The following MED4 variants were observed in gnomAD, a reference collection of about 807,000 sequenced individuals.
The protein encoded by MED4 is mediator of RNA polymerase II transcription subunit 4.
Under a neutral mutation model 35.0 loss-of-function variants are expected in MED4, and 21 were observed. The observed-to-expected ratio is 0.60, with a 90% CI of 0.43 to 0.86. The LOEUF (loss-of-function observed/expected upper bound fraction) is 0.86, where lower values mean the gene tolerates loss of function less well. Ranked by LOEUF, MED4 falls within the 40% of genes least tolerant of loss-of-function variation. The pLI, the probability that MED4 is intolerant of heterozygous loss-of-function variation, is 0.00. For synonymous variants in MED4, 138 were observed against 114.0 expected (o/e 1.21, Z -1.34); for missense variants, 300 against 319.4 (o/e 0.94, Z 0.46).
intron 2 of MED4, among the ~76,000 whole-genome samples, chr13:48,087,560 C>T (rs1046178054): frequency 5.3e-5 from 8 of 149,786 alleles, no homozygotes; most frequent in Non-Finnish European, 1.0e-4. Context: ...CTTAAAAATA[C>T]GGTGATTTCG....
intron 3 of MED4, among the ~76,000 whole-genome samples, chr13:48,084,781 A>G (rs998391949): frequency 3.3e-5 from 5 of 151,866 alleles, no homozygotes; most frequent in African/African-American, 9.7e-5. Context: ...TATTTTCTGA[A>G]TTTTGTTTGA....
At chr13:48,094,876 C>T (rs1950917104) in intron 1 of MED4, 78 bp downstream of exon 1, 6 of 1,568,078 alleles carry the variant, frequency 3.8e-6, no homozygotes, top group Non-Finnish European at 4.3e-6. Context: ...CGAGAACGAG[C>T]ACAAACGCAG....
chr13:48,094,843 A>C, intron 1 of MED4, 111 bp downstream of exon 1: 2 of 1,474,944 alleles, frequency 1.4e-6, no homozygotes, highest in South Asian at 1.2e-5. Context: ...GAAACTCCCG[A>C]GCTGGCCCTC....
chr13:48,082,336 AC>A (rs1950814938), intron 4 of MED4, among the ~76,000 whole-genome samples: 1 of 152,206 alleles, frequency 6.6e-6, no homozygotes, highest in African/African-American at 2.4e-5. Context: ...ATTAATAGTT[AC>A]CTCTGAGAAG....
intron 1 of MED4, among the ~76,000 whole-genome samples, 187 bp downstream of exon 1, chr13:48,094,767 C>T (rs962235801): frequency 6.6e-6 from 1 of 152,130 alleles, no homozygotes; most frequent in African/African-American, 2.4e-5. Flanking sequence ...TTCCCTCTAA[C>T]GGGAAAAACC....
chr13:48,094,840 C>T, intron 1 of MED4, 114 bp downstream of exon 1: 1 of 1,466,832 alleles, frequency 6.8e-7, no homozygotes, highest in Non-Finnish European at 9.1e-7. Flanking sequence ...CCCGAAACTC[C>T]CGAGCTGGCC....
intron 1 of MED4, among the ~76,000 whole-genome samples, chr13:48,092,877 T>C (rs1950899965): frequency 6.6e-6 from 1 of 152,156 alleles, no homozygotes; most frequent in Admixed American, 6.5e-5. Flanking sequence ...CTTGCAAATC[T>C]GGGAGCGTGA....
rs1035315568 is a variant in MED4 at position 48,091,875 on chromosome 13, C to T, written c.126-1457G>A. Reference sequence around the variant, plus strand: ...AGAGAAGGTCTTCCTAAGGGCACAGCTTTGACATAAGACACGGATTAAATG... The same window carrying T: ...AGAGAAGGTCTTCCTAAGGGCACAGTTTTGACATAAGACACGGATTAAATG... On this transcript the variant is annotated intron_variant, in intron 1 of 6. Coordinates refer to ENST00000258648, the MANE Select transcript of MED4 (RefSeq NM_014166.4). 5.3e-5 allele frequency among the ~76,000 whole-genome samples: 8 copies of T among 152,224 alleles called. No homozygotes were observed. In the East Asian group the frequency reaches 1.5e-3, roughly 29 times the overall value.
In MED4 at chr13:48,086,345, T is replaced by C; in HGVS notation, c.300A>G (p.Val100=). ...HHEMQVLEKE[V]EKRDSDIQQL... Reference sequence around the variant, plus strand: ...GCTGAATATCACTGTCTCTCTTCTCTACTTCTTTTTCTAAAACTTGCATTT... The same window carrying C: ...GCTGAATATCACTGTCTCTCTTCTCCACTTCTTTTTCTAAAACTTGCATTT... Residue 100 remains valine, a synonymous_variant, in exon 3 of 7, where the codon GTA becomes GTG. Coordinates refer to ENST00000258648, the MANE Select transcript of MED4 (RefSeq NM_014166.4). 1.2e-6 allele frequency: 2 copies of C among 1,613,898 alleles called. No homozygotes were observed. Among genetic ancestry groups the C allele is most frequent in the East Asian group, 2.2e-5 (1 of 44,816 alleles).
At chr13:48,094,854 C>T (rs982316444) in intron 1 of MED4, 100 bp downstream of exon 1, 1 of 1,523,976 alleles carries the variant, frequency 6.6e-7, no homozygotes, top group Non-Finnish European at 8.8e-7. Context: ...GCTGGCCCTC[C>T]CCGCCGAACC....
chr13:48,094,769 G>A (rs1305547839), intron 1 of MED4, among the ~76,000 whole-genome samples, 185 bp downstream of exon 1: 1 of 152,060 alleles, frequency 6.6e-6, no homozygotes, highest in African/African-American at 2.4e-5. Context: ...CCCTCTAACG[G>A]GAAAAACCGC....
chr13:48,092,890 C>A (rs1179755249), intron 1 of MED4, among the ~76,000 whole-genome samples: 1 of 152,078 alleles, frequency 6.6e-6, no homozygotes, highest in African/African-American at 2.4e-5. Flanking sequence ...GAGCGTGAGT[C>A]CACAGAAGGC....
In MED4 at chr13:48,081,843, A is replaced by C. The variant is rs1422549436; in HGVS notation, c.422-112T>G. 5 of 568,598 alleles carry C rather than the reference A, an allele frequency of 8.8e-6. No individual in the cohort carries two copies. The East Asian group carries it at 1.7e-4, about 20-fold the overall frequency. 35.2% of individuals were successfully genotyped at this position (568,598 alleles called of 1,614,324 possible). A position where few individuals can be genotyped will look rare whatever the true frequency, so the allele number is the denominator to read the frequency against. On this transcript the variant is annotated intron_variant, in intron 4 of 6. Coordinates refer to ENST00000258648, the MANE Select transcript of MED4 (RefSeq NM_014166.4). ...TAATTTTAAATTATCTGAAAATAAA[A>C]TAATCTCAGTCACCTGCCTTCCTTA...
At chr13:48,089,796 T>C (rs1950877919) in intron 2 of MED4, among the ~76,000 whole-genome samples, 1 of 152,046 alleles carries the variant, frequency 6.6e-6, no homozygotes, top group Non-Finnish European at 1.5e-5. Context: ...ATTTATCCTC[T>C]TACCTCTAAA....
chr13:48,093,305 TA>T (rs1276306297), intron 1 of MED4, among the ~76,000 whole-genome samples: 1 of 152,190 alleles, frequency 6.6e-6, no homozygotes, highest in Non-Finnish European at 1.5e-5. Context: ...TTCAACTTTT[TA>T]AGACTATCTC....
At chr13:48,094,892 G>C (rs1593551259) in intron 1 of MED4, 62 bp downstream of exon 1, 10 of 1,577,044 alleles carry the variant, frequency 6.3e-6, no homozygotes, top group Non-Finnish European at 8.6e-6. Context: ...CGCAGGGCCG[G>C]CCGGCTCCGG....
At chr13:48,085,364 G>A (rs901010900) in intron 3 of MED4, among the ~76,000 whole-genome samples, 1 of 151,952 alleles carries the variant, frequency 6.6e-6, no homozygotes, top group Non-Finnish European at 1.5e-5. Context: ...ATAGAGACAG[G>A]GTTTCACTAT....
rs149261988 is a variant in MED4 at position 48,089,107 on chromosome 13, T to G, written c.192+1245A>C. On this transcript the variant is annotated intron_variant, in intron 2 of 6. Coordinates refer to ENST00000258648, the MANE Select transcript of MED4 (RefSeq NM_014166.4). ...TGCATACTTTGTATAAATTCCTATTTAATCCCACGGGTATTAACAGAGTAC... is the reference window on the plus strand; with the variant it reads ...TGCATACTTTGTATAAATTCCTATTGAATCCCACGGGTATTAACAGAGTAC... Among the ~76,000 whole-genome samples, 1,083 of 152,354 alleles carry G rather than the reference T, an allele frequency of 7.1e-3. 18 individuals carry two copies. The highest frequency in any genetic ancestry group is 0.024 in the African/African-American group (991 of 41,578).
At position 48,075,931 on chromosome 13, in the gene MED4, T is replaced by G. The variant is rs1950755402; in HGVS notation, c.*1208A>C. 6.6e-6 allele frequency: 1 copy of G among 152,146 alleles called. No individual in the cohort carries two copies. The highest frequency in any genetic ancestry group is 1.5e-5 in the Non-Finnish European group (1 of 68,004). 9.4% of individuals were successfully genotyped at this position (152,146 alleles called of 1,614,324 possible). On this transcript the variant is annotated 3_prime_UTR_variant, in exon 7 of 7. Coordinates refer to ENST00000258648, the MANE Select transcript of MED4 (RefSeq NM_014166.4). The stretch of plus-strand genomic sequence containing the variant: ...TCCTATTTTCCAATTTTTCTAGAGA[T>G]CGAAAATAATCAAAAGGAAAAAATG...
Sources: allele counts gnomAD v4.1 joint callset (sites outside exome capture counted in the v4.1 genomes callset), GRCh38; gene constraint gnomAD v4.1.1; transcripts MANE v1.5; gene names NCBI Gene and HGNC (gene_info 2026-07-23, HGNC 2026-07-21).